The following CADM1 variants were observed in gnomAD, a reference collection of about 807,000 sequenced individuals.
The protein encoded by CADM1 is cell adhesion molecule 1, also known as TSLC-1.
In CADM1, 15 loss-of-function variants were observed where a neutral mutation model predicts 53.1. The observed-to-expected ratio is 0.28, with a 90% CI of 0.19 to 0.44. The LOEUF is 0.44. Among genes scored for constraint, CADM1 ranks in the 20% least tolerant of loss-of-function variants. The pLI is 1.00. For missense variants in CADM1, 434 were observed against 611.3 expected (o/e 0.71, Z 3.06); for synonymous variants, 281 against 243.0 (o/e 1.16, Z -1.45).
chr11:115,457,811 C>G (rs1948711101), intron 1 of CADM1, among the ~76,000 whole-genome samples: 1 of 151,992 alleles, frequency 6.6e-6, no homozygotes, highest in Admixed American at 6.6e-5. Context: ...AATGTCATCT[C>G]AACCGTAACA....
At chr11:115,210,147 A>G (rs538490465) in intron 7 of CADM1, among the ~76,000 whole-genome samples, 1 of 152,364 alleles carries the variant, frequency 6.6e-6, no homozygotes, top group East Asian at 1.9e-4. Flanking sequence ...CTCCATCAAT[A>G]CAACCCAGCA....
At chr11:115,404,349 ATATATATATAT>A (rs1565410058) in intron 1 of CADM1, among the ~76,000 whole-genome samples, 315 of 23,212 alleles carry the variant, frequency 0.014, 47 homozygotes, top group Admixed American at 0.025. Context: ...AAAAAAAAAT[ATATATATATAT>A]ATATATATAT....
chr11:115,414,752 G>A (rs1947551377), intron 1 of CADM1, among the ~76,000 whole-genome samples: 1 of 90,128 alleles, frequency 1.1e-5, no homozygotes. Context: ...AAATTGCCCT[G>A]GAAAACAATC....
intron 1 of CADM1, among the ~76,000 whole-genome samples, chr11:115,454,079 A>T (rs1591260337): frequency 6.6e-6 from 1 of 152,190 alleles, no homozygotes; most frequent in Non-Finnish European, 1.5e-5. Flanking sequence ...ACAAAAAAAA[A>T]ACAAAGCCTT....
At chr11:115,326,435 C>A (rs958472772) in intron 1 of CADM1, among the ~76,000 whole-genome samples, 1 of 152,134 alleles carries the variant, frequency 6.6e-6, no homozygotes, top group Non-Finnish European at 1.5e-5. Flanking sequence ...AGCCACCAGA[C>A]TAAAGTACAA....
intron 1 of CADM1, among the ~76,000 whole-genome samples, chr11:115,392,008 G>C (rs923404945): frequency 6.6e-6 from 1 of 151,932 alleles, no homozygotes; most frequent in African/African-American, 2.4e-5. Flanking sequence ...TCACCACAAA[G>C]AACAAATATT....
intron 1 of CADM1, among the ~76,000 whole-genome samples, chr11:115,403,878 T>C (rs1247864173): frequency 6.6e-6 from 1 of 151,614 alleles, no homozygotes; most frequent in African/African-American, 2.4e-5. Context: ...ATTACAGACA[T>C]GAGACATTGT....
At chr11:115,247,111 A>G (rs1391818613) in intron 1 of CADM1, among the ~76,000 whole-genome samples, 2 of 152,218 alleles carry the variant, frequency 1.3e-5, no homozygotes, top group African/African-American at 2.4e-5. Flanking sequence ...TACTATAGGT[A>G]TGTTTGATTA....
chr11:115,309,557 CAGTT>C lies in CADM1; in HGVS notation c.125-69141_125-69138del, dbSNP rs1944477250. On this transcript the variant is annotated intron_variant, in intron 1 of 11. Transcript: ENST00000331581. ...CCTTTGTTTTTCTTTTACTTTTTGT[CAGTT>C]AGGAAACACGTATCTGTTTTTATGT... is the stretch of plus-strand genomic sequence containing the variant. Among the ~76,000 whole-genome samples, 7 of 152,136 alleles carry C rather than the reference CAGTT, an allele frequency of 4.6e-5. No individual in the cohort carries two copies. The South Asian group carries it at 1.2e-3, about 27-fold the overall frequency.
intron 1 of CADM1, chr11:115,397,308 T>C (rs1947026126): frequency 6.6e-6 from 1 of 152,134 alleles, no homozygotes; most frequent in Non-Finnish European, 1.5e-5. Context: ...CATTCCAAGA[T>C]AGATTCTGGT....
chr11:115,341,046 C>T (rs552997041), intron 1 of CADM1, among the ~76,000 whole-genome samples: 4 of 152,070 alleles, frequency 2.6e-5, no homozygotes, highest in South Asian at 2.1e-4. Context: ...AATGAGTTCC[C>T]AGGCCTACTT....
chr11:115,178,478 GTTTT>G (rs751886767), intron 11 of CADM1, among the ~76,000 whole-genome samples, 162 bp downstream of exon 11: 42 of 147,850 alleles, frequency 2.8e-4, no homozygotes, highest in East Asian at 2.7e-3. Context: ...AAGATTTCTG[GTTTT>G]GTTTTTTTTT....
intron 1 of CADM1, among the ~76,000 whole-genome samples, chr11:115,244,516 T>C (rs1942345561): frequency 1.3e-5 from 2 of 152,226 alleles, no homozygotes; most frequent in Admixed American, 1.3e-4. Flanking sequence ...CATACTTTTC[T>C]CTCTCAAACT....
intron 1 of CADM1, among the ~76,000 whole-genome samples, chr11:115,443,978 T>C (rs1016208928): frequency 6.6e-6 from 1 of 152,222 alleles, no homozygotes; most frequent in African/African-American, 2.4e-5. Context: ...GTGTCCTATA[T>C]TTCTAATAAA....
chr11:115,284,609 A>G (rs1003121259), intron 1 of CADM1, among the ~76,000 whole-genome samples: 1 of 152,114 alleles, frequency 6.6e-6, no homozygotes, highest in African/African-American at 2.4e-5. Flanking sequence ...ACCAAGCACA[A>G]TTCCAAATGT....
intron 1 of CADM1, among the ~76,000 whole-genome samples, chr11:115,404,144 G>A (rs1408386502): frequency 6.8e-6 from 1 of 147,198 alleles, no homozygotes; most frequent in South Asian, 2.2e-4. Flanking sequence ...TGGCCAACAT[G>A]GTAAAACCCT....
chr11:115,175,557 C>G lies in CADM1; in HGVS notation c.*917G>C. On this transcript the variant is annotated 3_prime_UTR_variant, in exon 12 of 12. Coordinates refer to ENST00000331581, the MANE Select transcript of CADM1 (RefSeq NM_001301043.2). ...CCCTACTTCCCCTCCTGTGGCAACTCAAAATTTGTCCACTTATATAAAAGG... is the reference window on the plus strand; with the variant it reads ...CCCTACTTCCCCTCCTGTGGCAACTGAAAATTTGTCCACTTATATAAAAGG... The G allele has an allele frequency of 3.0e-6, 3 of 985,386 alleles. No individual in the cohort carries two copies. The highest frequency in any genetic ancestry group is 9.4e-5 in the South Asian group (2 of 21,278). The allele number at this position is 985,386 out of a possible 1,614,324, so 61.0% of individuals were successfully genotyped here.
chr11:115,203,082 G>A (rs1940511322), intron 8 of CADM1, among the ~76,000 whole-genome samples: 1 of 152,008 alleles, frequency 6.6e-6, no homozygotes. Flanking sequence ...TCTCTTCCTT[G>A]TTAAAGTCAC....
chr11:115,317,549 T>C lies in CADM1; in HGVS notation c.125-77129A>G, dbSNP rs576935468. Among the ~76,000 whole-genome samples, 4 of 152,278 alleles carry C rather than the reference T, an allele frequency of 2.6e-5. No homozygotes were observed. The East Asian group carries it at 5.8e-4, about 22-fold the overall frequency. ...AAGGAATGGCTTTTACCATCACGTG[T>C]TAAGTTTATTTTTGTTCCTCTGACC... is the stretch of plus-strand genomic sequence containing the variant. On this transcript the variant is annotated intron_variant, in intron 1 of 11. Coordinates refer to ENST00000331581, the MANE Select transcript of CADM1 (RefSeq NM_001301043.2).
Sources: gnomAD v4.1 joint callset for allele counts (sites outside exome capture counted in the v4.1 genomes callset) on GRCh38, gnomAD v4.1.1 for gene constraint, MANE v1.5 for transcripts, NCBI Gene and HGNC (gene_info 2026-07-23, HGNC 2026-07-21) for gene names.